Variants in TP63 observed in about 807,000 individuals in gnomAD.
TP63 encodes the protein tumor protein 63.
A neutral mutation model predicts 82.8 loss-of-function variants in TP63; 17 were observed. The observed-to-expected ratio is 0.21, with a 90% CI of 0.14 to 0.31. The LOEUF is 0.31. TP63 is among the 10% of genes least tolerant of loss of function. The pLI, the probability that TP63 is intolerant of heterozygous loss-of-function variation, is 1.00. For synonymous variants in TP63, 330 were observed against 321.7 expected (o/e 1.03, Z -0.28); for missense variants, 648 against 895.3 (o/e 0.72, Z 3.52).
intron 1 of TP63, among the ~76,000 whole-genome samples, chr3:189,663,627 A>G (rs1468908456): frequency 6.9e-6 from 1 of 143,902 alleles, no homozygotes; most frequent in Non-Finnish European, 1.5e-5. Flanking sequence ...TCCTAGATTA[A>G]AGAGATCCTC....
At chr3:189,622,600 A>G in the TP63 span, among the ~76,000 whole-genome samples, 2 of 152,186 alleles carry the variant, frequency 1.3e-5, no homozygotes, top group Non-Finnish European at 1.5e-5. Context: ...AAGAGGAGAG[A>G]TCTTTGTTTT....
chr3:189,769,598 A>G (rs957311852), intron 3 of TP63, among the ~76,000 whole-genome samples: 1 of 152,210 alleles, frequency 6.6e-6, no homozygotes, highest in Non-Finnish European at 1.5e-5. Flanking sequence ...ATGGTCTGTG[A>G]GTACAAATAT....
At position 189,889,325 on chromosome 3, in the gene TP63, C is replaced by T. The variant is rs956806939; in HGVS notation, c.1508-15C>T. Reference sequence around the variant, plus strand: ...GATGGCAGTAACCCTTTTTGTTCCTCCTGCTTCTGTTCAGTTCCCATGATG... The same window carrying T: ...GATGGCAGTAACCCTTTTTGTTCCTTCTGCTTCTGTTCAGTTCCCATGATG... On this transcript the variant is annotated splice_polypyrimidine_tract_variant and intron_variant, in intron 11 of 13. Coordinates refer to ENST00000264731, the MANE Select transcript of TP63 (RefSeq NM_003722.5). 5 of 1,613,966 alleles carry T rather than the reference C, an allele frequency of 3.1e-6. No individual in the cohort carries two copies. The African/African-American group carries it at 4.0e-5, about 13-fold the overall frequency.
intron 4 of TP63, among the ~76,000 whole-genome samples, chr3:189,852,485 T>G (rs1324587992): frequency 6.6e-6 from 1 of 152,250 alleles, no homozygotes; most frequent in Admixed American, 6.5e-5. Context: ...TGTATTGGTC[T>G]GTTTTGGTAC....
At chr3:189,865,680 C>T (rs1185271411) in intron 5 of TP63, among the ~76,000 whole-genome samples, 1 of 152,102 alleles carries the variant, frequency 6.6e-6, no homozygotes, top group Non-Finnish European at 1.5e-5. Flanking sequence ...AGTCAAAATT[C>T]TCTTTAAAAA....
At chr3:189,839,174 C>G (rs927197735) in intron 4 of TP63, among the ~76,000 whole-genome samples, 1 of 151,776 alleles carries the variant, frequency 6.6e-6, no homozygotes, top group Non-Finnish European at 1.5e-5. Flanking sequence ...ATATTTACAC[C>G]TGGGCATCCA....
intron 3 of TP63, among the ~76,000 whole-genome samples, chr3:189,742,227 G>C (rs1030899466): frequency 1.3e-5 from 1 of 79,272 alleles, no homozygotes; most frequent in Non-Finnish European, 2.2e-5. Flanking sequence ...TGGGCAACAA[G>C]AGCAAAACTC....
intron 1 of TP63, among the ~76,000 whole-genome samples, chr3:189,698,113 T>C (rs1321740489): frequency 6.6e-6 from 1 of 152,120 alleles, no homozygotes; most frequent in Non-Finnish European, 1.5e-5. Context: ...GTTCTCATTC[T>C]TAACATTTTA....
At chr3:189,845,717 A>G (rs1284398191) in intron 4 of TP63, among the ~76,000 whole-genome samples, 1 of 143,330 alleles carries the variant, frequency 7.0e-6, no homozygotes, top group East Asian at 2.0e-4. Flanking sequence ...CTTTGATGCT[A>G]CTCTATCTAG....
intron 3 of TP63, among the ~76,000 whole-genome samples, chr3:189,793,244 A>G (rs181841384): frequency 2.6e-4 from 39 of 152,182 alleles, no homozygotes; most frequent in African/African-American, 9.1e-4. Flanking sequence ...TTTTGAGACA[A>G]TAAATCACTT....
At chr3:189,819,066 A>G (rs1369612419) in intron 4 of TP63, among the ~76,000 whole-genome samples, 2 of 152,224 alleles carry the variant, frequency 1.3e-5, no homozygotes, top group African/African-American at 4.8e-5. Context: ...AAGCAGATTG[A>G]CCAACATGTA....
intron 4 of TP63, chr3:189,844,436 A>C (rs925135327): frequency 6.6e-6 from 2 of 302,910 alleles, no homozygotes; most frequent in Admixed American, 8.4e-5. Flanking sequence ...CAGACATGTG[A>C]CACCACACCC....
intron 4 of TP63, among the ~76,000 whole-genome samples, chr3:189,844,898 C>T (rs1267367187): frequency 6.6e-6 from 1 of 152,170 alleles, no homozygotes; most frequent in Non-Finnish European, 1.5e-5. Flanking sequence ...AATCTTGCCT[C>T]CCACCAGATT....
intron 1 of TP63, among the ~76,000 whole-genome samples, chr3:189,654,421 T>C (rs1713154505): frequency 6.6e-6 from 1 of 152,330 alleles, no homozygotes; most frequent in South Asian, 2.1e-4. Flanking sequence ...TTATTTTGTT[T>C]ACTGGCTTTG....
In TP63 at chr3:189,886,481, C is replaced by T; in HGVS notation, c.1437C>T (p.Ser479=). ...MNSMNKLPSV[S]QLINPQQRNA... Reference sequence around the variant, plus strand: ...GCATGAACAAGCTGCCTTCTGTGAGCCAGCTTATCAACCCTCAGCAGCGCA... The same window carrying T: ...GCATGAACAAGCTGCCTTCTGTGAGTCAGCTTATCAACCCTCAGCAGCGCA... The change falls in exon 11 of 14, where the codon AGC becomes AGT. Residue 479 remains serine, a synonymous_variant. Transcript: ENST00000264731. 1 of 1,614,130 alleles carries T rather than the reference C, an allele frequency of 6.2e-7. No individual in the cohort carries two copies. The highest frequency in any genetic ancestry group is 8.5e-7 in the Non-Finnish European group (1 of 1,180,014).
the TP63 span, among the ~76,000 whole-genome samples, chr3:189,601,159 A>T: frequency 6.6e-6 from 1 of 152,150 alleles, no homozygotes; most frequent in African/African-American, 2.4e-5. Context: ...CTTTTGTATG[A>T]CTGTTCTTGG....
At chr3:189,736,748 A>G (rs576504249) in intron 1 of TP63, among the ~76,000 whole-genome samples, 15 of 151,900 alleles carry the variant, frequency 9.9e-5, no homozygotes, top group Non-Finnish European at 1.8e-4. Context: ...ATTATCTTCT[A>G]CTGTATTACT....
rs988648372 is a variant in TP63 at position 189,789,740 on chromosome 3, G to T, written c.325-18532G>T. The T allele has an allele frequency of 3.9e-6, 6 of 1,545,422 alleles. No homozygotes were observed. In the South Asian group the frequency reaches 5.0e-5, roughly 13 times the overall value. ...TATTGTAAGGGTCTCGGGGTGGGGG[G>T]GTTGGCAAAATCCTGGAGCCAGAAG... On this transcript the variant is annotated intron_variant, in intron 3 of 13. Coordinates refer to ENST00000264731, the MANE Select transcript of TP63 (RefSeq NM_003722.5).
At chr3:189,753,125 G>A (rs1721944160) in intron 3 of TP63, among the ~76,000 whole-genome samples, 1 of 152,008 alleles carries the variant, frequency 6.6e-6, no homozygotes, top group South Asian at 2.1e-4. Context: ...GCTTCTGTTG[G>A]GTGGAATGTT....
Sources: gnomAD v4.1 joint callset for allele counts (sites outside exome capture counted in the v4.1 genomes callset) on GRCh38, gnomAD v4.1.1 for gene constraint, MANE v1.5 for transcripts, NCBI Gene and HGNC (gene_info 2026-07-23, HGNC 2026-07-21) for gene names.